WDR33: variants seen among roughly 807,000 people sequenced by gnomAD.
WDR33 encodes the protein pre-mRNA 3' end processing protein WDR33.
In WDR33, 47 loss-of-function variants were observed where a neutral mutation model predicts 164.9. The observed-to-expected ratio is 0.29, with a 90% CI of 0.23 to 0.36. WDR33 has a LOEUF of 0.36. Among genes scored for constraint, WDR33 ranks in the 10% least tolerant of loss-of-function variants. The probability of loss-of-function intolerance (pLI) is 1.00; values close to 1 mark genes in which losing one functional copy is unlikely to be tolerated. For missense variants in WDR33, 1,137 were observed against 1,754.1 expected (o/e 0.65, Z 6.28); for synonymous variants, 505 against 589.0 (o/e 0.86, Z 2.06).
chr2:127,782,994 G>GTGA (rs1688428079), intron 1 of WDR33, among the ~76,000 whole-genome samples: 2 of 152,256 alleles, frequency 1.3e-5, no homozygotes, highest in Admixed American at 1.3e-4. Context: ...GGGCAACAGA[G>GTGA]TGAGACTCTG....
At chr2:127,762,527 T>C in intron 7 of WDR33, 6 of 985,776 alleles carry the variant, frequency 6.1e-6, no homozygotes, top group Non-Finnish European at 7.2e-6. Context: ...GTTTATTAAT[T>C]ATAAAATCAA....
chr2:127,751,840 A>T (rs1026895496), intron 7 of WDR33, among the ~76,000 whole-genome samples: 3 of 152,122 alleles, frequency 2.0e-5, no homozygotes, highest in Non-Finnish European at 2.9e-5. Flanking sequence ...CTGATCTTAG[A>T]GTCACTCAAT....
At position 127,761,452 on chromosome 2, in the gene WDR33, G is replaced by A. The variant is rs150458382; in HGVS notation, c.724+1610C>T. Among the ~76,000 whole-genome samples the A allele has an allele frequency of 4.7e-3, 717 of 152,204 alleles. 4 individuals carry two copies. The highest frequency in any genetic ancestry group is 0.016 in the African/African-American group (680 of 41,530). ...CCTGACCTCGTGATCCGCCCACCTC[G>A]GCCTCCCAAAGTGCTGGGATTACAG... On this transcript the variant is annotated intron_variant, in intron 7 of 21. Coordinates refer to ENST00000322313, the MANE Select transcript of WDR33 (RefSeq NM_018383.5).
intron 1 of WDR33, among the ~76,000 whole-genome samples, chr2:127,785,391 CTT>C (rs1483600461): frequency 2.6e-5 from 4 of 152,190 alleles, no homozygotes; most frequent in Non-Finnish European, 4.4e-5. Context: ...TGTGCTTTCT[CTT>C]GAGTTGTGAC....
intron 4 of WDR33, among the ~76,000 whole-genome samples, chr2:127,767,639 C>CG (rs1257441547): frequency 3.9e-5 from 6 of 152,088 alleles, no homozygotes; most frequent in Middle Eastern, 3.4e-3. Flanking sequence ...GGCGTGAACC[C>CG]GGGGGGCGGA....
In WDR33 at chr2:127,807,039, CTT is replaced by C. The variant is rs1207485770; in HGVS notation, c.-24+3971_-24+3972del. Among the ~76,000 whole-genome samples, 3 of 152,216 alleles carry C rather than the reference CTT, an allele frequency of 2.0e-5. No homozygotes were observed. In the East Asian group the frequency reaches 5.8e-4, roughly 29 times the overall value. ...TTTTTTTTTAAGACGGCATTTCACT[CTT>C]GTTGCCCAGGCTGAAGTACAATGCG... On this transcript the variant is annotated intron_variant, in intron 1 of 21. Coordinates refer to ENST00000322313, the MANE Select transcript of WDR33 (RefSeq NM_018383.5).
chr2:127,742,395 C>T (rs972423193), intron 7 of WDR33, among the ~76,000 whole-genome samples: 4 of 151,540 alleles, frequency 2.6e-5, no homozygotes, highest in African/African-American at 7.3e-5. Flanking sequence ...TGCATGGTGG[C>T]TCACACCTGT....
rs140732221 is a variant in WDR33, at chr2:127,778,514, AACAC to A, written c.-23-7514_-23-7511del. On this transcript the variant is annotated intron_variant, in intron 1 of 21. Coordinates refer to ENST00000322313, the MANE Select transcript of WDR33 (RefSeq NM_018383.5). ...AGCCCTGACTACCTGCCAGACAATG[AACAC>A]ACACACACACACACATTCTGTTCTC... is the stretch of plus-strand genomic sequence containing the variant. Among the ~76,000 whole-genome samples the A allele has an allele frequency of 5.1e-3, 769 of 150,340 alleles. 8 individuals carry two copies. The highest frequency in any genetic ancestry group is 0.018 in the African/African-American group (741 of 41,164).
In WDR33 at chr2:127,719,572, C is replaced by T. The variant is rs1210543116; in HGVS notation, c.2453G>A (p.Gly818Glu). Reference sequence around the variant, plus strand: ...TTCCTGAGGGCCGTGTCCCAGTAGTCCACCTGGAGGGTGAGGTCCTCTCAT... The same window carrying T: ...TTCCTGAGGGCCGTGTCCCAGTAGTTCACCTGGAGGGTGAGGTCCTCTCAT... ...QEMRGPHPPG[G>E]LLGHGPQEMR... Residue 818 changes from glycine to glutamate, a missense_variant, in exon 16 of 22, where the codon GGA becomes GAA. By Grantham distance (98) the Gly-to-Glu change is moderately conservative. Transcript: ENST00000322313. The surrounding 1 kb of genome is among the most constrained non-coding windows in gnomAD (Gnocchi z 6.5). 2 of 1,614,004 alleles carry T rather than the reference C, an allele frequency of 1.2e-6. No homozygotes were observed. Among genetic ancestry groups the T allele is most frequent in the South Asian group, 2.2e-5 (2 of 91,072 alleles).
At chr2:127,766,272 T>C (rs1025679704) in intron 4 of WDR33, among the ~76,000 whole-genome samples, 2 of 152,168 alleles carry the variant, frequency 1.3e-5, no homozygotes, top group African/African-American at 4.8e-5. Context: ...TCCGACAAAG[T>C]TGAAAAATAC....
At chr2:127,787,039 A>C (rs1688605496) in intron 1 of WDR33, among the ~76,000 whole-genome samples, 1 of 108,306 alleles carries the variant, frequency 9.2e-6, no homozygotes, top group African/African-American at 3.7e-5. Context: ...ATTACTTGAG[A>C]TTAGGGATTG....
In WDR33 at chr2:127,726,926, T is replaced by C. The variant is rs1686585002; in HGVS notation, c.725-149A>G. On this transcript the variant is annotated intron_variant, in intron 7 of 21. Coordinates refer to ENST00000322313, the MANE Select transcript of WDR33 (RefSeq NM_018383.5). The surrounding 1 kb of genome is among the most constrained non-coding windows in gnomAD (Gnocchi z 4.8). ...GTGAAGACTCTTTGGCCTCTGTGTG[T>C]CTGGAAATTTTTCAGATACAGTATC... The C allele has an allele frequency of 1.0e-6, 1 of 1,003,774 alleles. No homozygotes were observed. Among genetic ancestry groups the C allele is most frequent in the Non-Finnish European group, 1.4e-6 (1 of 698,336 alleles). The allele number at this position is 1,003,774 out of a possible 1,614,324, so 62.2% of individuals were successfully genotyped here.
intron 18 of WDR33, among the ~76,000 whole-genome samples, chr2:127,711,776 A>ATTTTTTTTTTTTTT (rs1284723078): frequency 9.6e-5 from 9 of 94,070 alleles, no homozygotes; most frequent in Admixed American, 3.2e-4. Flanking sequence ...ATATATATAT[A>ATTTTTTTTTTTTTT]TATATTTTTT....
intron 1 of WDR33, among the ~76,000 whole-genome samples, chr2:127,785,573 T>C (rs1430358878): frequency 6.6e-6 from 1 of 152,216 alleles, no homozygotes; most frequent in East Asian, 1.9e-4. Context: ...TCATACAGTG[T>C]GGAGCATTTT....
rs954742170 is a variant in WDR33, at chr2:127,717,940, G to A, written c.2761-677C>T. 6.6e-6 allele frequency among the ~76,000 whole-genome samples: 1 copy of A among 151,984 alleles called. No homozygotes were observed. The highest frequency in any genetic ancestry group is 2.4e-5 in the African/African-American group (1 of 41,370). On this transcript the variant is annotated intron_variant, in intron 16 of 21. Transcript: ENST00000322313. The surrounding 1 kb of genome is among the most constrained non-coding windows in gnomAD (Gnocchi z 5.6). ...TGTTAATTTACTACCAGAAAGTTAG[G>A]AAAATAACTTACAATAAATAATATT...
At chr2:127,769,940 T>C (rs1687943716) in intron 2 of WDR33, among the ~76,000 whole-genome samples, 1 of 152,208 alleles carries the variant, frequency 6.6e-6, no homozygotes, top group South Asian at 2.1e-4. Flanking sequence ...GCCTTGCCTT[T>C]ACTTACTATC....
chr2:127,784,148 A>G (rs1245611669), intron 1 of WDR33, among the ~76,000 whole-genome samples: 1 of 152,132 alleles, frequency 6.6e-6, no homozygotes, highest in Non-Finnish European at 1.5e-5. Flanking sequence ...CTGCTTTCTC[A>G]TGTTTGCTTC....
chr2:127,781,361 T>C (rs762042036), intron 1 of WDR33, among the ~76,000 whole-genome samples: 2 of 152,152 alleles, frequency 1.3e-5, no homozygotes, highest in Non-Finnish European at 2.9e-5. Context: ...GTAACTCTTG[T>C]AGTGATAAAC....
chr2:127,760,399 T>C (rs1687642224), intron 7 of WDR33, among the ~76,000 whole-genome samples: 1 of 152,224 alleles, frequency 6.6e-6, no homozygotes, highest in South Asian at 2.1e-4. Context: ...GGGCAACTGA[T>C]ATTTTAGAGG....
Sources: allele counts gnomAD v4.1 joint callset (sites outside exome capture counted in the v4.1 genomes callset), GRCh38; gene constraint gnomAD v4.1.1; non-coding constraint Gnocchi (gnomAD v3.1); transcripts MANE v1.5; gene names NCBI Gene and HGNC (gene_info 2026-07-23, HGNC 2026-07-21).